CDH13: variants seen among roughly 807,000 people sequenced by gnomAD.
CDH13 encodes cadherin-13.
Under a neutral mutation model 63.8 loss-of-function variants are expected in CDH13, and 24 were observed. The observed-to-expected ratio is 0.38, with a 90% confidence interval of 0.27 to 0.53. CDH13 has a LOEUF of 0.53. CDH13 is among the 20% of genes least tolerant of loss of function. CDH13 has a pLI of 0.85. For missense variants in CDH13, 1,049 were observed against 903.1 expected, an observed-to-expected ratio of 1.16 and a Z score of -2.07; for synonymous variants, 503 against 355.3, an observed-to-expected ratio of 1.42 and a Z score of -4.67.
rs2150752211 is a variant in CDH13 at position 83,603,284 on chromosome 16, A to T, written c.1101+690A>T. 1.3e-5 allele frequency among the ~76,000 whole-genome samples: 2 copies of T among 152,358 alleles called. 1 individual carries two copies. ...CTTCTTTAGGGGCCTGGGCCAGGGC[A>T]TGGATTTGATGCCCTTCTTACTGAC... On this transcript the variant is annotated intron_variant, in intron 8 of 13. Coordinates refer to ENST00000567109, the MANE Select transcript of CDH13 (RefSeq NM_001257.5).
chr16:82,995,220 T>A (rs1467994033), intron 2 of CDH13, among the ~76,000 whole-genome samples: 1 of 152,180 alleles, frequency 6.6e-6, no homozygotes, highest in Non-Finnish European at 1.5e-5. Flanking sequence ...TGGCCAGAAC[T>A]CATAGTGAAT....
intron 12 of CDH13, among the ~76,000 whole-genome samples, chr16:83,782,711 G>T (rs111474900): frequency 0.024 from 3,549 of 149,982 alleles, 105 homozygotes; most frequent in African/African-American, 0.073. Context: ...ACTCCAGGCT[G>T]GGCAACAGAG....
intron 1 of CDH13, chr16:82,639,377 G>C: frequency 6.5e-7 from 1 of 1,535,482 alleles, no homozygotes; most frequent in Non-Finnish European, 8.7e-7. Context: ...CAACCCACCT[G>C]CACTGCATGG....
At chr16:82,907,484 C>T (rs960842833) in intron 2 of CDH13, among the ~76,000 whole-genome samples, 1 of 152,194 alleles carries the variant, frequency 6.6e-6, no homozygotes, top group African/African-American at 2.4e-5. Context: ...TATGAAATAT[C>T]CAAACTGTCG....
At chr16:82,724,869 A>T (rs1488327115) in intron 1 of CDH13, among the ~76,000 whole-genome samples, 2 of 152,182 alleles carry the variant, frequency 1.3e-5, no homozygotes, top group East Asian at 3.9e-4. Context: ...TTCCAGTTGG[A>T]TGTCCTTGGC....
chr16:83,336,007 C>T (rs1206297007), intron 5 of CDH13, among the ~76,000 whole-genome samples: 1 of 152,104 alleles, frequency 6.6e-6, no homozygotes, highest in Admixed American at 6.6e-5. Context: ...TATTCTATTA[C>T]TAGATATTTG....
At chr16:82,650,827 C>A (rs1357802414) in intron 1 of CDH13, among the ~76,000 whole-genome samples, 2 of 152,198 alleles carry the variant, frequency 1.3e-5, no homozygotes, top group Non-Finnish European at 2.9e-5. Flanking sequence ...GTGAACCTGG[C>A]AGCATAGGTA....
At chr16:83,425,100 G>A (rs1432427666) in intron 6 of CDH13, among the ~76,000 whole-genome samples, 1 of 152,202 alleles carries the variant, frequency 6.6e-6, no homozygotes, top group Non-Finnish European at 1.5e-5. Flanking sequence ...AAAGAGCTGT[G>A]ATCCCACCGT....
intron 2 of CDH13, among the ~76,000 whole-genome samples, chr16:82,862,869 G>A (rs576787669): frequency 3.4e-4 from 52 of 152,294 alleles, no homozygotes; most frequent in Non-Finnish European, 5.4e-4. Flanking sequence ...CCTGATGGCC[G>A]AGGCTACTTC....
intron 1 of CDH13, among the ~76,000 whole-genome samples, chr16:82,653,174 T>C (rs1910928064): frequency 6.6e-6 from 1 of 152,122 alleles, no homozygotes; most frequent in African/African-American, 2.4e-5. Flanking sequence ...CAAGTGTCTG[T>C]GAAGAAGACA....
intron 1 of CDH13, among the ~76,000 whole-genome samples, chr16:82,751,966 A>G (rs529792859): frequency 5.8e-4 from 88 of 152,328 alleles, no homozygotes; most frequent in Non-Finnish European, 1.0e-3. Flanking sequence ...TCTTCCAGAA[A>G]CATACAGGCT....
chr16:82,982,778 A>G (rs1022257977), intron 2 of CDH13, among the ~76,000 whole-genome samples: 5 of 152,182 alleles, frequency 3.3e-5, no homozygotes, highest in African/African-American at 4.8e-5. Flanking sequence ...CCTTGTCCTG[A>G]TGAGCTTCCT....
intron 1 of CDH13, among the ~76,000 whole-genome samples, chr16:82,808,771 G>C (rs940191722): frequency 3.9e-5 from 6 of 152,132 alleles, no homozygotes; most frequent in Non-Finnish European, 8.8e-5. Context: ...AAGGGGTTAA[G>C]CAGTCTTCCC....
intron 6 of CDH13, among the ~76,000 whole-genome samples, chr16:83,432,900 A>G (rs903422351): frequency 5.9e-5 from 9 of 152,234 alleles, no homozygotes; most frequent in Admixed American, 5.9e-4. Flanking sequence ...CCTGTTTGAC[A>G]TAACATTTAT....
At chr16:83,462,794 G>T (rs1174946438) in intron 6 of CDH13, among the ~76,000 whole-genome samples, 5 of 152,050 alleles carry the variant, frequency 3.3e-5, no homozygotes, top group African/African-American at 4.8e-5. Flanking sequence ...GGTATATATT[G>T]CTTTCTCAAT....
intron 8 of CDH13, among the ~76,000 whole-genome samples, chr16:83,647,259 G>C (rs1180532747): frequency 6.7e-6 from 1 of 149,382 alleles, no homozygotes; most frequent in African/African-American, 2.5e-5. Flanking sequence ...GCAGTGAACC[G>C]AGATCATGCC....
chr16:83,220,981 G>A (rs375622259), intron 5 of CDH13, among the ~76,000 whole-genome samples: 2 of 152,184 alleles, frequency 1.3e-5, no homozygotes, highest in African/African-American at 4.8e-5. Flanking sequence ...TTTCACACAA[G>A]AGACTTAAGA....
chr16:83,091,307 A>G (rs2033896392), intron 3 of CDH13, among the ~76,000 whole-genome samples: 1 of 151,596 alleles, frequency 6.6e-6, no homozygotes, highest in Non-Finnish European at 1.5e-5. Flanking sequence ...GTAACCATCT[A>G]CTTTATGTTG....
At chr16:83,016,061 T>C (rs1726070509) in intron 2 of CDH13, among the ~76,000 whole-genome samples, 2 of 152,052 alleles carry the variant, frequency 1.3e-5, no homozygotes, top group Admixed American at 6.6e-5. Flanking sequence ...GGCAAGGCAC[T>C]CTTGGCAGGC....
Sources: allele counts gnomAD v4.1 joint callset (sites outside exome capture counted in the v4.1 genomes callset), GRCh38; gene constraint gnomAD v4.1.1; transcripts MANE v1.5; gene names NCBI Gene and HGNC (gene_info 2026-07-23, HGNC 2026-07-21).